NCAN: variants seen among roughly 807,000 people sequenced by gnomAD.
NCAN encodes neurocan core protein.
A neutral mutation model predicts 121.8 loss-of-function variants in NCAN; 47 were observed. The observed-to-expected ratio is 0.39, with a 90% confidence interval of 0.31 to 0.49. The LOEUF (loss-of-function observed/expected upper bound fraction) is 0.49. NCAN is among the 20% of genes least tolerant of loss of function. NCAN has a pLI of 0.92. For synonymous variants in NCAN, 633 were observed against 702.0 expected (o/e 0.90, Z 1.55); for missense variants, 1,517 against 1,773.4 (o/e 0.86, Z 2.60).
intron 1 of NCAN, among the ~76,000 whole-genome samples, chr19:19,215,436 C>T (rs1016875057): frequency 2.0e-5 from 3 of 152,310 alleles, no homozygotes; most frequent in Admixed American, 1.3e-4. Flanking sequence ...TCAGGAAATG[C>T]ACTGCTGTGT....
intron 8 of NCAN, among the ~76,000 whole-genome samples, chr19:19,232,608 CA>C (rs2060864540): frequency 6.6e-6 from 1 of 152,230 alleles, no homozygotes; most frequent in Non-Finnish European, 1.5e-5. Context: ...ATGTTGAAAC[CA>C]AATCCCCTCT....
At chr19:19,244,728 CTTTTTT>C (rs201995446) in intron 12 of NCAN, among the ~76,000 whole-genome samples, 1 of 136,486 alleles carries the variant, frequency 7.3e-6, no homozygotes, top group Non-Finnish European at 1.6e-5. Context: ...TTTTCTTTTC[CTTTTTT>C]TTTTTTTTTT....
At position 19,223,925 on chromosome 19, in the gene NCAN, A is replaced by G. The variant is rs555261891; in HGVS notation, c.476-96A>G. 2.3e-6 allele frequency: 3 copies of G among 1,286,670 alleles called. No homozygotes were observed. In the Admixed American group the frequency reaches 7.7e-5, roughly 33 times the overall value. 79.7% of individuals were successfully genotyped at this position (1,286,670 alleles called of 1,614,324 possible). On this transcript the variant is annotated intron_variant, in intron 3 of 14. Coordinates refer to ENST00000252575, the MANE Select transcript of NCAN (RefSeq NM_004386.3). ...GCCTGGCGCTAGGTCTATTATTATC[A>G]GACAGGGGTGGGGAGTCATTCTGCA...
At chr19:19,220,827 T>C (rs1186990840) in intron 3 of NCAN, among the ~76,000 whole-genome samples, 1 of 152,060 alleles carries the variant, frequency 6.6e-6, no homozygotes, top group Non-Finnish European at 1.5e-5. Context: ...TTCAGCACTT[T>C]GGGAGGCTGA....
intron 10 of NCAN, among the ~76,000 whole-genome samples, chr19:19,237,505 T>G (rs1396444380): frequency 1.3e-5 from 2 of 150,902 alleles, no homozygotes; most frequent in Non-Finnish European, 3.0e-5. Context: ...AAAAAAATTT[T>G]ATATATATAT....
intron 10 of NCAN, among the ~76,000 whole-genome samples, chr19:19,237,916 G>A (rs1395040505): frequency 2.0e-5 from 3 of 152,146 alleles, no homozygotes; most frequent in East Asian, 1.9e-4. Context: ...GGTGGCGCAC[G>A]CCTGTAATCC....
rs1341844560 is a variant in NCAN at position 19,227,706 on chromosome 19, A to T, written c.2086A>T (p.Thr696Ser). Residue 696 changes from threonine (T) to serine (S), a missense_variant, in exon 8 of 15, where the codon ACA becomes TCA. Transcript: ENST00000252575. The surrounding 1 kb of genome is among the most constrained non-coding windows in gnomAD (Gnocchi z 4.2). Reference protein sequence around the residue: ...PTGQGGEAMPTTPESPRADFR... With the variant: ...PTGQGGEAMPSTPESPRADFR... ...AGGACAGGGTGGAGAGGCCATGCCC[A>T]CAACACCTGAGTCCCCCAGGGCAGA... 1 of 1,613,986 alleles carries T rather than the reference A, an allele frequency of 6.2e-7. No individual in the cohort carries two copies. Among genetic ancestry groups the T allele is most frequent in the East Asian group, 2.2e-5 (1 of 44,886 alleles).
chr19:19,225,021 G>A lies in NCAN; in HGVS notation c.823G>A (p.Gly275Ser), dbSNP rs2060830165. Residue 275 changes from glycine to serine, a missense_variant, in exon 6 of 15, where the codon GGC (glycine) becomes AGC (serine). By Grantham distance (56) the Gly-to-Ser change is moderately conservative. Transcript: ENST00000252575. The surrounding 1 kb of genome is among the most constrained non-coding windows in gnomAD (Gnocchi z 4.0). ...VGPARRLTLA[G>S]ARAQCRRQGA... ...CCCGGCCCGCCGCCTGACACTGGCC[G>A]GCGCGCGTGCACAGTGCCGCCGCCA... 6.7e-7 allele frequency: 1 copy of A among 1,482,166 alleles called. No individual in the cohort carries two copies. The highest frequency in any genetic ancestry group is 8.9e-7 in the Non-Finnish European group (1 of 1,124,646). 91.8% of individuals were successfully genotyped at this position (1,482,166 alleles called of 1,614,324 possible).
At chr19:19,236,597 T>C (rs1048150215) in intron 10 of NCAN, among the ~76,000 whole-genome samples, 1 of 152,152 alleles carries the variant, frequency 6.6e-6, no homozygotes, top group Non-Finnish European at 1.5e-5. Context: ...CTAGGTTTAA[T>C]TTACTTTTTT....
At position 19,249,935 on chromosome 19, in the gene NCAN, A is replaced by T; in HGVS notation, c.*24A>T. The T allele has an allele frequency of 6.2e-7, 1 of 1,602,554 alleles. No homozygotes were observed. Among genetic ancestry groups the T allele is most frequent in the Admixed American group, 1.7e-5 (1 of 57,938 alleles). On this transcript the variant is annotated 3_prime_UTR_variant, in exon 15 of 15. Transcript: ENST00000252575. ...GAAGAACCAGAAAAAAGAAAGCACA[A>T]CACCTTTCCCATGCCTCCTCTGGAG...
rs1372374284 is a variant in NCAN, at chr19:19,225,771, A to C, written c.1072+501A>C. Among the ~76,000 whole-genome samples, 2 of 152,122 alleles carry C rather than the reference A, an allele frequency of 1.3e-5. No individual in the cohort carries two copies. The highest frequency in any genetic ancestry group is 6.5e-5 in the Admixed American group (1 of 15,270). ...CCCCAAGGAGCCATGTCCTCTAAGT[A>C]AGCTGCCCCAGTCCTGGCATGGGCA... On this transcript the variant is annotated intron_variant, in intron 6 of 14. Transcript: ENST00000252575. The surrounding 1 kb of genome is among the most constrained non-coding windows in gnomAD (Gnocchi z 4.0).
In NCAN at chr19:19,225,291, C is replaced by G. The variant is rs535542690; in HGVS notation, c.1072+21C>G. ...CCGAGGTGCGTGCGTCCCCTGGTGG[C>G]CGCGCCCCCAGGGCTTTCACTTTGG... On this transcript the variant is annotated intron_variant, in intron 6 of 14. Coordinates refer to ENST00000252575, the MANE Select transcript of NCAN (RefSeq NM_004386.3). The surrounding 1 kb of genome is among the most constrained non-coding windows in gnomAD (Gnocchi z 4.0). 5.3e-6 allele frequency: 8 copies of G among 1,506,332 alleles called. No individual in the cohort carries two copies. The South Asian group carries it at 1.0e-4, about 20-fold the overall frequency. The allele number at this position is 1,506,332 out of a possible 1,614,324, so 93.3% of individuals were successfully genotyped here.
chr19:19,213,514 G>C (rs1353321094), intron 1 of NCAN, among the ~76,000 whole-genome samples: 1 of 147,794 alleles, frequency 6.8e-6, no homozygotes, highest in Admixed American at 6.7e-5. Context: ...GTGGGGGGGG[G>C]GGGGCCCGAG....
In NCAN at chr19:19,239,403, C is replaced by T. The variant is rs80310067; in HGVS notation, c.3409+992C>T. On this transcript the variant is annotated intron_variant, in intron 11 of 14. Coordinates refer to ENST00000252575, the MANE Select transcript of NCAN (RefSeq NM_004386.3). ...CCTCCCCATCTTCCCTCCCACTCCT[C>T]CCCCTCCTCCTTCTATACCTCTTCC... Among the ~76,000 whole-genome samples, 748 of 143,788 alleles carry T rather than the reference C, an allele frequency of 5.2e-3. 10 individuals are homozygous for T. Among genetic ancestry groups the T allele is most frequent in the African/African-American group, 0.019 (718 of 38,614 alleles). 94.3% of individuals were successfully genotyped at this position (143,788 alleles called of 152,430 possible).
chr19:19,226,841 G>A lies in NCAN; in HGVS notation c.1428G>A (p.Met476Ile), dbSNP rs976756713. Residue 476 changes from methionine to isoleucine, a missense_variant, in exon 7 of 15, where the codon ATG becomes ATA. By Grantham distance (10) the Met-to-Ile change is conservative. Transcript: ENST00000252575. ...CGGAGGTGGCCCCAACTGACCCTATGCCTAGGAGAAGGGGGCGCTTCAAAG... is the reference window on the plus strand; with the variant it reads ...CGGAGGTGGCCCCAACTGACCCTATACCTAGGAGAAGGGGGCGCTTCAAAG... ...SHTEVAPTDP[M>I]PRRRGRFKGL... The A allele has an allele frequency of 1.2e-6, 2 of 1,613,086 alleles. No individual in the cohort carries two copies. Among genetic ancestry groups the A allele is most frequent in the Non-Finnish European group, 1.7e-6 (2 of 1,179,932 alleles).
intron 8 of NCAN, 152 bp from the exon 9 acceptor site, chr19:19,233,637 G>A: frequency 3.3e-6 from 2 of 597,338 alleles, no homozygotes; most frequent in Non-Finnish European, 6.1e-6. Context: ...GGTCATATGG[G>A]AGGGAGTTGG....
At position 19,251,785 on chromosome 19, in the gene NCAN, C is replaced by T. The variant is rs1251440750; in HGVS notation, c.*1874C>T. On this transcript the variant is annotated 3_prime_UTR_variant, in exon 15 of 15. Coordinates refer to ENST00000252575, the MANE Select transcript of NCAN (RefSeq NM_004386.3). The stretch of plus-strand genomic sequence containing the variant: ...TATTATGGTTATTATTCAGAAAACC[C>T]AGGGATACAGGTTTGTCTTCTTACT... The T allele has an allele frequency of 6.6e-6, 1 of 152,120 alleles. No individual in the cohort carries two copies. The highest frequency in any genetic ancestry group is 1.5e-5 in the Non-Finnish European group (1 of 68,030). The allele number at this position is 152,120 out of a possible 1,614,324, so 9.4% of individuals were successfully genotyped here.
intron 3 of NCAN, among the ~76,000 whole-genome samples, chr19:19,222,227 G>A (rs563726549): frequency 6.6e-6 from 1 of 152,262 alleles, no homozygotes; most frequent in Admixed American, 6.5e-5. Flanking sequence ...GATTGGTGGT[G>A]AGGCAAGTGA....
In NCAN at chr19:19,219,116, C is replaced by A; in HGVS notation, c.275C>A (p.Pro92His). ...GCGTCGGGCCAGCGACAGGACTTGC[C>A]CATCCTGGTGGCCAAGGACAATGTC... The part of the protein sequence containing the change: ...RTASGQRQDL[P>H]ILVAKDNVVR... Residue 92 changes from proline (P) to histidine (H), a missense_variant, in exon 3 of 15, where the codon CCC (proline) becomes CAC (histidine). By Grantham distance (77) the Pro-to-His change is moderately conservative. Coordinates refer to ENST00000252575, the MANE Select transcript of NCAN (RefSeq NM_004386.3). 1 of 1,613,338 alleles carries A rather than the reference C, an allele frequency of 6.2e-7. No homozygotes were observed. Among genetic ancestry groups the A allele is most frequent in the African/African-American group, 1.3e-5 (1 of 75,052 alleles).
Sources: gnomAD v4.1 joint callset for allele counts (sites outside exome capture counted in the v4.1 genomes callset) on GRCh38, gnomAD v4.1.1 for gene constraint, Gnocchi (gnomAD v3.1) non-coding constraint, MANE v1.5 for transcripts, NCBI Gene and HGNC (gene_info 2026-07-23, HGNC 2026-07-21) for gene names.